DMD: variants seen among roughly 807,000 people sequenced by gnomAD.
DMD encodes mutant dystrophin.
In DMD, 63 loss-of-function variants were observed where a neutral mutation model predicts 330.1. That is an observed-to-expected ratio of 0.19 (90% confidence interval 0.16 to 0.24). The LOEUF (loss-of-function observed/expected upper bound fraction) is 0.24, where lower values mean the gene tolerates loss of function less well. DMD is among the 10% of genes least tolerant of loss of function. The probability of loss-of-function intolerance (pLI) is 1.00; values close to 1 mark genes in which losing one functional copy is unlikely to be tolerated. For missense variants in DMD, 3,344 were observed against 2,684.1 expected (o/e 1.25, Z -5.43); for synonymous variants, 1,223 against 959.8 (o/e 1.27, Z -5.07).
intron 52 of DMD, among the ~76,000 whole-genome samples, chrX:31,710,544 A>G (rs2084550718): frequency 8.9e-6 from 1 of 111,849 alleles, no homozygotes; most frequent in Admixed American, 9.5e-5. Flanking sequence ...CCTTCTCCCA[A>G]TTCTATCACT....
At chrX:31,163,193 C>T (rs889733814) in intron 74 of DMD, among the ~76,000 whole-genome samples, 3 of 111,553 alleles carry the variant, frequency 2.7e-5, no homozygotes, top group Non-Finnish European at 3.8e-5. Context: ...TCTCATAATC[C>T]GCACATATCA....
intron 74 of DMD, among the ~76,000 whole-genome samples, chrX:31,166,403 A>G (rs1257388197): frequency 8.9e-6 from 1 of 111,803 alleles, no homozygotes; most frequent in Non-Finnish European, 1.9e-5. Flanking sequence ...GAGATAAATC[A>G]CAGCTAAAGG....
intron 25 of DMD, among the ~76,000 whole-genome samples, chrX:32,462,124 T>C (rs1407822655): frequency 9.0e-6 from 1 of 111,516 alleles, no homozygotes; most frequent in Non-Finnish European, 1.9e-5. Context: ...CCCTTGTATC[T>C]TTGGAAGATA....
intron 1 of DMD, among the ~76,000 whole-genome samples, chrX:33,306,927 C>T (rs1016712354): frequency 3.6e-5 from 4 of 111,853 alleles, no homozygotes; most frequent in Non-Finnish European, 3.8e-5. Flanking sequence ...CTCTATGCCT[C>T]AGTTTACTTA....
intron 11 of DMD, among the ~76,000 whole-genome samples, chrX:32,641,322 A>AT (rs1479334139): frequency 9.3e-6 from 1 of 107,903 alleles, no homozygotes. Context: ...TATGATCATT[A>AT]TTGAGTCTCC....
chrX:32,862,555 T>C (rs981741644), intron 2 of DMD, among the ~76,000 whole-genome samples: 5 of 111,803 alleles, frequency 4.5e-5, no homozygotes, highest in African/African-American at 1.6e-4. Flanking sequence ...AGGTCAGTAC[T>C]CATTCATTTT....
chrX:32,160,917 G>A (rs918224749), intron 44 of DMD, among the ~76,000 whole-genome samples: 8 of 111,342 alleles, frequency 7.2e-5, no homozygotes, highest in African/African-American at 2.6e-4. Flanking sequence ...CCTATGCAGA[G>A]GATTGTCCTT....
At chrX:33,094,528 C>T (rs1021954895) in intron 1 of DMD, among the ~76,000 whole-genome samples, 24 of 111,507 alleles carry the variant, frequency 2.2e-4, no homozygotes, top group African/African-American at 6.5e-4. Context: ...GCAAGAAGGC[C>T]GGGCGCGGTG....
At chrX:32,162,156 T>A (rs1203155567) in intron 44 of DMD, among the ~76,000 whole-genome samples, 1 of 111,470 alleles carries the variant, frequency 9.0e-6, no homozygotes, top group Non-Finnish European at 1.9e-5. Context: ...ATTCTGCACG[T>A]GTATCCCAGA....
intron 41 of DMD, among the ~76,000 whole-genome samples, chrX:32,332,838 A>AT (rs66969055): frequency 2.8e-3 from 303 of 107,078 alleles, no homozygotes; most frequent in Middle Eastern, 0.024. Context: ...GCATGCGTAG[A>AT]TTTTTTTTTT....
chrX:32,325,385 A>G (rs2097645929), intron 41 of DMD, among the ~76,000 whole-genome samples: 1 of 111,701 alleles, frequency 9.0e-6, no homozygotes, highest in Non-Finnish European at 1.9e-5. Context: ...TACAGATTTC[A>G]AGGTAAATTG....
chrX:32,372,994 C>T (rs1275008296), intron 34 of DMD, among the ~76,000 whole-genome samples: 1 of 110,473 alleles, frequency 9.1e-6, no homozygotes, highest in Non-Finnish European at 1.9e-5. Context: ...TTAATCACCC[C>T]TGACCACATC....
At chrX:32,129,712 A>AGAGAGAGGGAGG (rs1322496211) in intron 44 of DMD, among the ~76,000 whole-genome samples, 1 of 50,447 alleles carries the variant, frequency 2.0e-5, no homozygotes, top group Non-Finnish European at 4.2e-5. Flanking sequence ...ATATGGAGAG[A>AGAGAGAGGGAGG]GAGAGAGAGA....
Position 31,121,471 on chromosome X carries a change from T to G in DMD, c.*448A>C, listed in dbSNP as rs757273308. The G allele has an allele frequency of 5.4e-5, 9 of 168,082 alleles. No individual in the cohort carries two copies. The East Asian group carries it at 1.5e-3, about 28-fold the overall frequency. The allele number at this position is 168,082 out of a possible 1,213,427, so 13.9% of individuals were successfully genotyped here. The stretch of plus-strand genomic sequence containing the variant: ...GTGTGTGTGTGTGTTTGTTTTGTTT[T>G]TAGGGGTTTTTATAAACAACTTTTT... On this transcript the variant is annotated 3_prime_UTR_variant, in exon 79 of 79. Coordinates refer to ENST00000357033, the MANE Select transcript of DMD (RefSeq NM_004006.3).
chrX:32,771,813 ATTTTG>A (rs946566243), intron 7 of DMD, among the ~76,000 whole-genome samples: 9 of 111,924 alleles, frequency 8.0e-5, no homozygotes, highest in African/African-American at 2.3e-4. Flanking sequence ...GAATGAGAGG[ATTTTG>A]TTTTATCTTT....
chrX:32,114,432 C>T (rs1230384516), intron 44 of DMD, among the ~76,000 whole-genome samples: 1 of 111,900 alleles, frequency 8.9e-6, no homozygotes, highest in Non-Finnish European at 1.9e-5. Context: ...TCTCTTTGAC[C>T]TCATTGACTC....
At chrX:32,586,088 T>G (rs1239494389) in intron 13 of DMD, among the ~76,000 whole-genome samples, 1 of 111,361 alleles carries the variant, frequency 9.0e-6, no homozygotes, top group East Asian at 2.8e-4. Flanking sequence ...GAAAAAACAA[T>G]GCACATATCA....
rs745699092 is a variant in DMD at position 32,610,187 on chromosome X, C to T, written c.1482+4116G>A. On this transcript the variant is annotated intron_variant, in intron 12 of 78. Transcript: ENST00000357033. ...TTTTTTCACAGGGGAATGAGAGGTT[C>T]GATTTGTTTACTCCCCAGAAAGACT... Among the ~76,000 whole-genome samples the T allele has an allele frequency of 9.9e-5, 11 of 110,737 alleles. No individual in the cohort carries two copies. In the East Asian group the frequency reaches 3.2e-3, roughly 32 times the overall value.
chrX:33,222,993 G>A (rs758226488), intron 1 of DMD, among the ~76,000 whole-genome samples: 1 of 112,055 alleles, frequency 8.9e-6, no homozygotes, highest in African/African-American at 3.2e-5. Context: ...ATATGGAAAG[G>A]CAAGAAACCT....
Sources: gnomAD v4.1 joint callset for allele counts (sites outside exome capture counted in the v4.1 genomes callset) on GRCh38, gnomAD v4.1.1 for gene constraint, MANE v1.5 for transcripts, NCBI Gene and HGNC (gene_info 2026-07-23, HGNC 2026-07-21) for gene names.